NID1: variants seen among roughly 807,000 people sequenced by gnomAD.
NID1 encodes the protein nidogen 1.
In NID1, 76 loss-of-function variants were observed where a neutral mutation model predicts 130.6. The observed-to-expected ratio is 0.58, with a 90% CI of 0.48 to 0.70. The LOEUF is 0.70. Among genes scored for constraint, NID1 ranks in the 30% least tolerant of loss-of-function variants. The probability of loss-of-function intolerance (pLI) is 0.00; values close to 1 mark genes in which losing one functional copy is unlikely to be tolerated. For missense variants in NID1, 1,517 were observed against 1,664.8 expected, an observed-to-expected ratio of 0.91 and a Z score of 1.54; for synonymous variants, 665 against 675.1, an observed-to-expected ratio of 0.98 and a Z score of 0.23.
intron 12 of NID1, among the ~76,000 whole-genome samples, chr1:236,001,873 G>C (rs1241336666): frequency 6.6e-6 from 1 of 152,220 alleles, no homozygotes; most frequent in African/African-American, 2.4e-5. Flanking sequence ...TCCTGGAGCA[G>C]CTCTTGGCTC....
intron 5 of NID1, 48 bp from the exon 6 acceptor site, chr1:236,032,700 T>C (rs2102831942): frequency 6.2e-7 from 1 of 1,601,944 alleles, no homozygotes; most frequent in Non-Finnish European, 8.5e-7. Context: ...TCCAAGCCAG[T>C]CTTTCAAACA....
chr1:236,053,289 C>T (rs1028774051), intron 1 of NID1, among the ~76,000 whole-genome samples: 4 of 152,122 alleles, frequency 2.6e-5, no homozygotes, highest in African/African-American at 9.7e-5. Flanking sequence ...CAGAAATAAG[C>T]CATAGGAACT....
At position 236,004,032 on chromosome 1, in the gene NID1, C is replaced by CAAA. The variant is rs36021098; in HGVS notation, c.2527+7886_2527+7888dup. Among the ~76,000 whole-genome samples, 269 of 116,286 alleles carry CAAA rather than the reference C, an allele frequency of 2.3e-3. 3 individuals carry two copies. The highest frequency in any genetic ancestry group is 8.3e-3 in the Middle Eastern group (2 of 240). 76.3% of individuals were successfully genotyped at this position (116,286 alleles called of 152,430 possible). A position where few individuals can be genotyped will look rare whatever the true frequency, so the allele number is the denominator to read the frequency against. On this transcript the variant is annotated intron_variant, in intron 12 of 19. Coordinates refer to ENST00000264187, the MANE Select transcript of NID1 (RefSeq NM_002508.3). ...TGAATGACAGAGTGAGACTCTGTCT[C>CAAA]AAAAAAAAAAAAAAAAACAAGAAGA...
intron 1 of NID1, among the ~76,000 whole-genome samples, chr1:236,053,684 G>A (rs1369527735): frequency 3.9e-5 from 6 of 152,114 alleles, no homozygotes; most frequent in African/African-American, 1.4e-4. Context: ...CACGGTCAGG[G>A]ACTCCATTTG....
intron 5 of NID1, among the ~76,000 whole-genome samples, chr1:236,036,036 T>A (rs1043942291): frequency 6.6e-6 from 1 of 152,100 alleles, no homozygotes; most frequent in Non-Finnish European, 1.5e-5. Flanking sequence ...GGCTGAACAG[T>A]TTGTCATATC....
intron 12 of NID1, among the ~76,000 whole-genome samples, chr1:236,001,262 C>T (rs6698328): frequency 0.23 from 35,505 of 151,892 alleles, 5,090 homozygotes; most frequent in Non-Finnish European, 0.33. Flanking sequence ...CCTGCCACTG[C>T]GCCCAGCTAA....
intron 7 of NID1, among the ~76,000 whole-genome samples, chr1:236,028,197 A>G (rs923364910): frequency 3.3e-5 from 5 of 152,234 alleles, no homozygotes; most frequent in African/African-American, 9.6e-5. Flanking sequence ...GATTCCTTAA[A>G]AAGTGTTTTC....
At chr1:235,991,105 A>C in intron 13 of NID1, 47 bp from the exon 14 acceptor site, 1 of 1,476,428 alleles carries the variant, frequency 6.8e-7, no homozygotes. Context: ...TGCACCAGGA[A>C]CACACAGATG....
intron 9 of NID1, among the ~76,000 whole-genome samples, chr1:236,018,848 T>G (rs538677186): frequency 4.3e-4 from 65 of 152,318 alleles, no homozygotes; most frequent in Middle Eastern, 3.4e-3. Flanking sequence ...CCCAGCGCTT[T>G]CATATGAATC....
rs60420534 is a variant in NID1, at chr1:236,011,306, C to CTTT, written c.2527+612_2527+614dup. Among the ~76,000 whole-genome samples the CTTT allele has an allele frequency of 1.3e-4, 13 of 100,120 alleles. 1 individual carries two copies. Among genetic ancestry groups the CTTT allele is most frequent in the African/African-American group, 1.2e-4 (4 of 32,544 alleles). The allele number at this position is 100,120 out of a possible 152,430, so 65.7% of individuals were successfully genotyped here. A position where few individuals can be genotyped will look rare whatever the true frequency, so the allele number is the denominator to read the frequency against. ...GGTGTCAAATATATTCTTTTTTTTT[C>CTTT]TTTTTTTTTTTTTTTTGAGGCAGTC... On this transcript the variant is annotated intron_variant, in intron 12 of 19. Transcript: ENST00000264187.
rs543165542 is a variant in NID1, at chr1:235,979,000, G to A, written c.3617C>T (p.Pro1206Leu). 40 of 1,610,410 alleles carry A rather than the reference G, an allele frequency of 2.5e-5. No individual in the cohort carries two copies. The highest frequency in any genetic ancestry group is 8.9e-5 in the East Asian group (4 of 44,852). The part of the protein sequence containing the change: ...YGITTALSQC[P>L]QGHNYCSVNN... ...TAACAGCACAGGAGAGTTACCTTGCGGACACTGAGACAGGGCCGTGGTGAT... is the reference window on the plus strand; with the variant it reads ...TAACAGCACAGGAGAGTTACCTTGCAGACACTGAGACAGGGCCGTGGTGAT... The change falls in exon 19 of 20, where the codon CCG becomes CTG. Residue 1206 changes from proline to leucine, a missense_variant. Physicochemically the swap from Pro to Leu is moderately conservative, Grantham distance 98 (BLOSUM62 -3). Coordinates refer to ENST00000264187, the MANE Select transcript of NID1 (RefSeq NM_002508.3).
intron 2 of NID1, among the ~76,000 whole-genome samples, chr1:236,047,256 C>T (rs2102844398): frequency 6.6e-6 from 1 of 152,320 alleles, no homozygotes; most frequent in South Asian, 2.1e-4. Flanking sequence ...GCCTTTTCCT[C>T]AAGGTGTATC....
At chr1:236,025,829 A>C in intron 8 of NID1, 67 bp downstream of exon 8, 1 of 1,569,636 alleles carries the variant, frequency 6.4e-7, no homozygotes, top group African/African-American at 1.4e-5. Flanking sequence ...GACCAAAAAC[A>C]ATGTCAAAGA....
chr1:236,022,178 G>A (rs902085185), intron 9 of NID1, among the ~76,000 whole-genome samples: 3 of 152,036 alleles, frequency 2.0e-5, no homozygotes, highest in African/African-American at 7.2e-5. Flanking sequence ...GAGGTGGGAG[G>A]ATCACCTGAG....
In NID1 at chr1:235,980,533, G is replaced by A. The variant is rs763190488; in HGVS notation, c.3348C>T (p.Phe1116=). 12 of 1,614,056 alleles carry A rather than the reference G, an allele frequency of 7.4e-6. No individual in the cohort carries two copies. Among genetic ancestry groups the A allele is most frequent in the African/African-American group, 2.7e-5 (2 of 74,924 alleles). The change falls in exon 17 of 20, where the codon TTC becomes TTT. Residue 1116 remains phenylalanine, a synonymous_variant. Coordinates refer to ENST00000264187, the MANE Select transcript of NID1 (RefSeq NM_002508.3). ...DDLGLPNGLT[F]DAFSSQLCWV... is the part of the protein sequence containing the mutation. Reference sequence around the variant, plus strand: ...AGCAGAGCTGAGATGAGAACGCATCGAAGGTCAGTCCATTGGGCAAGCCCA... The same window carrying A: ...AGCAGAGCTGAGATGAGAACGCATCAAAGGTCAGTCCATTGGGCAAGCCCA...
intron 7 of NID1, among the ~76,000 whole-genome samples, 192 bp from the exon 8 acceptor site, chr1:236,026,333 C>T (rs1207316761): frequency 1.3e-5 from 2 of 152,148 alleles, no homozygotes; most frequent in African/African-American, 2.4e-5. Context: ...CTATGAAATA[C>T]CTGGATTCCC....
intron 7 of NID1, among the ~76,000 whole-genome samples, chr1:236,026,739 A>ATTTTTTTTTTT (rs768617564): frequency 7.3e-6 from 1 of 137,200 alleles, no homozygotes. Context: ...TTTCTTTTTC[A>ATTTTTTTTTTT]TTTTTTTTTT....
At chr1:235,993,917 C>T (rs769037483) in intron 12 of NID1, 45 bp from the exon 13 acceptor site, 9 of 1,563,228 alleles carry the variant, frequency 5.8e-6, no homozygotes, top group Middle Eastern at 1.7e-4. Flanking sequence ...GTGCGTCATC[C>T]GTCAGCGCTC....
chr1:235,986,981 G>T (rs573242024), intron 14 of NID1, among the ~76,000 whole-genome samples: 1 of 152,140 alleles, frequency 6.6e-6, no homozygotes, highest in Non-Finnish European at 1.5e-5. Flanking sequence ...CAGCAAACAC[G>T]CCCAGAGTCC....
Sources: gnomAD v4.1 joint callset for allele counts (sites outside exome capture counted in the v4.1 genomes callset) on GRCh38, gnomAD v4.1.1 for gene constraint, MANE v1.5 for transcripts, NCBI Gene and HGNC (gene_info 2026-07-23, HGNC 2026-07-21) for gene names.